Variants in MAP1B observed in about 807,000 individuals in gnomAD.
The protein encoded by MAP1B is microtubule associated protein 1B, also known as microtubule-associated protein 1B.
A neutral mutation model predicts 176.1 loss-of-function variants in MAP1B; 12 were observed. The observed-to-expected ratio is 0.07, with a 90% CI of 0.04 to 0.11. MAP1B has a LOEUF of 0.11. MAP1B is among the 10% of genes least tolerant of loss of function. The pLI is 1.00. For missense variants in MAP1B, 2,523 were observed against 2,990.5 expected, an observed-to-expected ratio of 0.84 and a Z score of 3.65; for synonymous variants, 1,044 against 1,135.0, an observed-to-expected ratio of 0.92 and a Z score of 1.61.
In MAP1B at chr5:72,197,343, A is replaced by C. The variant is rs369054163; in HGVS notation, c.3988A>C (p.Ser1330Arg). Residue 1330 changes from serine to arginine, a missense_variant, in exon 5 of 7, where the codon AGT becomes CGT. Ser to Arg is a moderately radical substitution (Grantham distance 110). Coordinates refer to ENST00000296755, the MANE Select transcript of MAP1B (RefSeq NM_005909.5). ...GTCACCATCTCAGTCCGTGACTGGC[A>C]GTGCTGGTCACACACCTTACTATCA... ...VVSPSQSVTG[S>R]AGHTPYYQSP... 6.2e-6 allele frequency: 10 copies of C among 1,614,104 alleles called. 1 individual carries two copies. The Admixed American group carries it at 1.7e-4, about 27-fold the overall frequency.
intron 2 of MAP1B, among the ~76,000 whole-genome samples, chr5:72,146,410 C>T (rs1746046405): frequency 6.6e-6 from 1 of 152,202 alleles, no homozygotes. Flanking sequence ...GGGTTTGCTC[C>T]CCTTTTCTCT....
chr5:72,121,663 A>C (rs1313986692), intron 2 of MAP1B, among the ~76,000 whole-genome samples: 1 of 152,174 alleles, frequency 6.6e-6, no homozygotes, highest in Non-Finnish European at 1.5e-5. Context: ...TTACCAGTTG[A>C]GTGATAAGAA....
chr5:72,199,463 TACTTCC>T lies in MAP1B; in HGVS notation c.6111_6116del (p.Ser2038_Thr2039del). Reference sequence around the variant, plus strand: ...CTACAAAGACAACACGAACCCCTGATACTTCCACATACTGTTACGAGACTGCAGAGA... The same window carrying T: ...CTACAAAGACAACACGAACCCCTGATACATACTGTTACGAGACTGCAGAGA... On this transcript the variant is annotated inframe_deletion, in exon 5 of 7. Coordinates refer to ENST00000296755, the MANE Select transcript of MAP1B (RefSeq NM_005909.5). This position sits in a 1 kb window ranked among gnomAD's most constrained non-coding sequence, Gnocchi z 4.2. 1 of 1,614,116 alleles carries T rather than the reference TACTTCC, an allele frequency of 6.2e-7. No homozygotes were observed. The highest frequency in any genetic ancestry group is 8.5e-7 in the Non-Finnish European group (1 of 1,180,024).
At chr5:72,179,440 AGCCAGGGTGGTG>A (rs1746720372) in intron 2 of MAP1B, among the ~76,000 whole-genome samples, 1 of 152,196 alleles carries the variant, frequency 6.6e-6, no homozygotes, top group Non-Finnish European at 1.5e-5. Context: ...GACCTTTACA[AGCCAGGGTGGTG>A]GCCTCCCTTC....
chr5:72,197,646 G>A lies in MAP1B; in HGVS notation c.4291G>A (p.Glu1431Lys). 6.2e-7 allele frequency: 1 copy of A among 1,614,198 alleles called. No homozygotes were observed. The highest frequency in any genetic ancestry group is 8.5e-7 in the Non-Finnish European group (1 of 1,180,026). ...SGRGAESPFE[E>K]KSGKQGSPDQ... Reference sequence around the variant, plus strand: ...CAGAGGTGCCGAAAGTCCTTTTGAAGAAAAGAGTGGAAAACAAGGCTCTCC... The same window carrying A: ...CAGAGGTGCCGAAAGTCCTTTTGAAAAAAAGAGTGGAAAACAAGGCTCTCC... Residue 1431 changes from glutamate (E) to lysine (K), a missense_variant, in exon 5 of 7, where the codon GAA (glutamate) becomes AAA (lysine). This residue lies in a region of MAP1B where 1,925 missense variants were observed against 2,126.0 expected (regional missense o/e 0.91). Transcript: ENST00000296755.
intron 5 of MAP1B, among the ~76,000 whole-genome samples, chr5:72,201,491 G>T (rs191788503): frequency 2.6e-5 from 4 of 152,200 alleles, no homozygotes; most frequent in African/African-American, 9.7e-5. Flanking sequence ...TCTCAGCAAT[G>T]ACCTGGGCTT....
chr5:72,171,093 A>C (rs1746528090), intron 2 of MAP1B, among the ~76,000 whole-genome samples: 1 of 152,178 alleles, frequency 6.6e-6, no homozygotes, highest in East Asian at 1.9e-4. Context: ...TAGAGTAGGA[A>C]AGGGTAAAGT....
chr5:72,150,079 C>T (rs1463526238), intron 2 of MAP1B, among the ~76,000 whole-genome samples: 1 of 152,100 alleles, frequency 6.6e-6, no homozygotes, highest in Non-Finnish European at 1.5e-5. Flanking sequence ...AGGTTTTTAC[C>T]CATTTTTTGA....
At chr5:72,179,737 CCTT>C (rs972008571) in intron 2 of MAP1B, 13 of 985,344 alleles carry the variant, frequency 1.3e-5, no homozygotes, top group African/African-American at 1.7e-5. Context: ...TAAATCCCCT[CCTT>C]CATTCAAATC....
intron 2 of MAP1B, among the ~76,000 whole-genome samples, chr5:72,152,158 C>T (rs564273629): frequency 1.3e-5 from 2 of 152,254 alleles, no homozygotes; most frequent in East Asian, 3.9e-4. Context: ...TAAAGGTGCA[C>T]ACCAGAACAG....
chr5:72,127,203 A>C (rs1239816485), intron 2 of MAP1B, among the ~76,000 whole-genome samples: 1 of 152,242 alleles, frequency 6.6e-6, no homozygotes, highest in Admixed American at 6.5e-5. Flanking sequence ...AGCATGGTCA[A>C]CTGTGCATAT....
At chr5:72,124,049 ATT>A (rs1745580283) in intron 2 of MAP1B, among the ~76,000 whole-genome samples, 1 of 152,166 alleles carries the variant, frequency 6.6e-6, no homozygotes. Flanking sequence ...TAAGCATTGC[ATT>A]TTGATTGTTC....
At position 72,107,628 on chromosome 5, in the gene MAP1B, C is replaced by T; in HGVS notation, c.97C>T (p.Leu33Phe). 1 of 1,600,362 alleles carries T rather than the reference C, an allele frequency of 6.2e-7. No individual in the cohort carries two copies. The highest frequency in any genetic ancestry group is 8.5e-7 in the Non-Finnish European group (1 of 1,179,572). ...CTCGCCTAGCCTGTCGCACCGCTTC[C>T]TTGACAGCAAGTTCTACTTGCTGGT... is the stretch of plus-strand genomic sequence containing the variant. ...STSPSLSHRF[L>F]DSKFYLLVVV... Residue 33 changes from leucine (L) to phenylalanine (F), a missense_variant, in exon 1 of 7, where the codon CTT (leucine) becomes TTT (phenylalanine). Leu to Phe is a conservative substitution (Grantham distance 22). Around this residue, in one of 4 missense-constraint regions of MAP1B, gnomAD observed 307 missense variants for 438.4 expected, o/e 0.70. Coordinates refer to ENST00000296755, the MANE Select transcript of MAP1B (RefSeq NM_005909.5).
intron 4 of MAP1B, among the ~76,000 whole-genome samples, chr5:72,192,615 T>C (rs370985853): frequency 6.6e-6 from 1 of 152,220 alleles, no homozygotes; most frequent in East Asian, 1.9e-4. Flanking sequence ...TAGAGGAAAC[T>C]AATCTAATAC....
At position 72,146,504 on chromosome 5, in the gene MAP1B, G is replaced by A. The variant is rs562140342; in HGVS notation, c.286+30705G>A. On this transcript the variant is annotated intron_variant, in intron 2 of 6. Transcript: ENST00000296755. ...TTACTAAATGCTTCCCATGTGCCAGGTGCTGCTCTAAGCACTTTCTGTGTA... is the reference window on the plus strand; with the variant it reads ...TTACTAAATGCTTCCCATGTGCCAGATGCTGCTCTAAGCACTTTCTGTGTA... Among the ~76,000 whole-genome samples, 3 of 152,272 alleles carry A rather than the reference G, an allele frequency of 2.0e-5. No homozygotes were observed. In the South Asian group the frequency reaches 6.2e-4, roughly 32 times the overall value.
intron 1 of MAP1B, among the ~76,000 whole-genome samples, chr5:72,110,504 G>C (rs545893418): frequency 6.6e-6 from 1 of 152,340 alleles, no homozygotes; most frequent in East Asian, 1.9e-4. Context: ...CTTAGCAACA[G>C]AGCAGGCTGG....
chr5:72,148,823 G>C (rs1471044359), intron 2 of MAP1B, among the ~76,000 whole-genome samples: 1 of 152,224 alleles, frequency 6.6e-6, no homozygotes, highest in Admixed American at 6.5e-5. Flanking sequence ...TGTGCTCAGG[G>C]AGAGGAGTTA....
At chr5:72,202,475 A>T (rs1747352712) in intron 5 of MAP1B, among the ~76,000 whole-genome samples, 1 of 152,232 alleles carries the variant, frequency 6.6e-6, no homozygotes, top group Admixed American at 6.5e-5. Context: ...TGATAGAATT[A>T]GCTGGTGGTT....
Position 72,196,172 on chromosome 5 carries a change from T to C in MAP1B, c.2817T>C (p.Thr939=), listed in dbSNP as rs974548860. The change falls in exon 5 of 7, where the codon ACT becomes ACC. Residue 939 remains threonine (T), a synonymous_variant. Coordinates refer to ENST00000296755, the MANE Select transcript of MAP1B (RefSeq NM_005909.5). The surrounding 1 kb of genome is among the most constrained non-coding windows in gnomAD (Gnocchi z 5.3). ...EGAGFEESSE[T]GDYEEKAETE... is the part of the protein sequence containing the mutation. Reference sequence around the variant, plus strand: ...CCGGTTTTGAAGAATCTTCAGAGACTGGAGACTATGAAGAGAAGGCAGAAA... The same window carrying C: ...CCGGTTTTGAAGAATCTTCAGAGACCGGAGACTATGAAGAGAAGGCAGAAA... The C allele has an allele frequency of 2.5e-6, 4 of 1,613,206 alleles. No homozygotes were observed. The Admixed American group carries it at 6.7e-5, about 27-fold the overall frequency.
Sources: allele counts gnomAD v4.1 joint callset (sites outside exome capture counted in the v4.1 genomes callset), GRCh38; gene constraint gnomAD v4.1.1; regional missense constraint gnomAD v4.1.1; non-coding constraint Gnocchi (gnomAD v3.1); transcripts MANE v1.5; gene names NCBI Gene and HGNC (gene_info 2026-07-23, HGNC 2026-07-21).